Variants in PUM1 observed in about 807,000 individuals in gnomAD.
PUM1 encodes the protein pumilio homolog 1.
Under a neutral mutation model 131.8 loss-of-function variants are expected in PUM1, and 13 were observed. The ratio of observed to expected loss-of-function variants is 0.10; its 90% CI spans 0.06 to 0.16. PUM1 has a LOEUF of 0.16. Among genes scored for constraint, PUM1 ranks in the 10% least tolerant of loss-of-function variants. The pLI, the probability that PUM1 is intolerant of heterozygous loss-of-function variation, is 1.00. For synonymous variants in PUM1, 509 were observed against 556.5 expected, an observed-to-expected ratio of 0.91 and a Z score of 1.20; for missense variants, 961 against 1,512.4, an observed-to-expected ratio of 0.64 and a Z score of 6.05.
At position 31,026,267 on chromosome 1, in the gene PUM1, AAAAAG is replaced by A. The variant is rs201020660; in HGVS notation, c.432+2524_432+2528del. 5.4e-3 allele frequency among the ~76,000 whole-genome samples: 816 copies of A among 152,012 alleles called. 4 individuals carry two copies. Among genetic ancestry groups the A allele is most frequent in the East Asian group, 0.031 (159 of 5,160 alleles). On this transcript the variant is annotated intron_variant, in intron 3 of 21. Coordinates refer to ENST00000426105, the MANE Select transcript of PUM1 (RefSeq NM_001020658.2). ...TGAGACTCAGTCTCTTAAAAAAAAA[AAAAAG>A]AAAAGGAAAAAAAAGCTTATTTTCA...
At chr1:31,053,341 C>CA (rs112722614) in intron 2 of PUM1, among the ~76,000 whole-genome samples, 97 of 126,554 alleles carry the variant, frequency 7.7e-4, no homozygotes, top group Middle Eastern at 4.2e-3. Flanking sequence ...ATTTTACAGG[C>CA]AAAAAAAAAA....
chr1:31,024,477 T>C (rs920711704), intron 3 of PUM1, among the ~76,000 whole-genome samples: 1 of 152,230 alleles, frequency 6.6e-6, no homozygotes, highest in Non-Finnish European at 1.5e-5. Context: ...ATTTCCTTTG[T>C]CAGGTTTACA....
intron 11 of PUM1, 167 bp downstream of exon 11, chr1:30,968,187 T>G: frequency 1.1e-6 from 1 of 891,996 alleles, no homozygotes. Context: ...AATGCTCTCA[T>G]CAGTGAACTA....
intron 18 of PUM1, 50 bp from the exon 19 acceptor site, chr1:30,942,173 T>G: frequency 8.5e-7 from 1 of 1,178,826 alleles, no homozygotes; most frequent in Admixed American, 2.0e-5. Flanking sequence ...GTCACCACCT[T>G]CAATGCTTCA....
intron 2 of PUM1, among the ~76,000 whole-genome samples, chr1:31,057,611 G>A (rs765056569): frequency 1.3e-5 from 2 of 149,770 alleles, no homozygotes; most frequent in Non-Finnish European, 3.0e-5. Context: ...TGTAATCCCA[G>A]CTACTCGGGA....
rs758303053 is a variant in PUM1, at chr1:30,967,243, C to T, written c.1713G>A (p.Ala571=). The T allele has an allele frequency of 1.9e-5, 30 of 1,613,932 alleles. No homozygotes were observed. Among genetic ancestry groups the T allele is most frequent in the Admixed American group, 1.5e-4 (9 of 59,996 alleles). ...QTGALVVNAG[A]RNGLGAPVRL... ...GAACAGGAGCTCCAAGACCATTTCT[C>T]GCGCCTGCATTCACTACAAGGGCAC... Residue 571 remains alanine (A), a synonymous_variant, in exon 12 of 22, where the codon GCG becomes GCA. Coordinates refer to ENST00000426105, the MANE Select transcript of PUM1 (RefSeq NM_001020658.2).
At chr1:30,999,192 G>T (rs74968808) in intron 5 of PUM1, among the ~76,000 whole-genome samples, 1 of 151,998 alleles carries the variant, frequency 6.6e-6, no homozygotes, top group Non-Finnish European at 1.5e-5. Context: ...TAGAGATGGG[G>T]TCTTGCTATG....
rs191868990 is a variant in PUM1, at chr1:31,058,166, C to T, written c.363+1038G>A. 7.6e-4 allele frequency among the ~76,000 whole-genome samples: 116 copies of T among 152,256 alleles called. 1 individual carries two copies. Among genetic ancestry groups the T allele is most frequent in the African/African-American group, 2.6e-3 (110 of 41,546 alleles). Reference sequence around the variant, plus strand: ...ACCACTTCTCTCTGACACAATATATCAGTCCCATTTCAAATAAATTTCACT... The same window carrying T: ...ACCACTTCTCTCTGACACAATATATTAGTCCCATTTCAAATAAATTTCACT... On this transcript the variant is annotated intron_variant, in intron 2 of 21. Transcript: ENST00000426105.
chr1:31,059,689 G>C, intron 1 of PUM1, 112 bp from the exon 2 acceptor site: 1 of 1,277,834 alleles, frequency 7.8e-7, no homozygotes, highest in Non-Finnish European at 1.1e-6. Flanking sequence ...TGTCGTTGGT[G>C]GCATGCACTC....
At chr1:31,064,924 G>T (rs1350589533) in intron 1 of PUM1, among the ~76,000 whole-genome samples, 1 of 151,996 alleles carries the variant, frequency 6.6e-6, no homozygotes, top group Non-Finnish European at 1.5e-5. Flanking sequence ...CTACTAGCAA[G>T]GGGTGAACCC....
At chr1:30,979,876 A>AT (rs1204254192) in intron 9 of PUM1, among the ~76,000 whole-genome samples, 186 bp downstream of exon 9, 1 of 152,130 alleles carries the variant, frequency 6.6e-6, no homozygotes, top group Non-Finnish European at 1.5e-5. Flanking sequence ...GCCTTTGAAC[A>AT]TTTTCAAGTC....
intron 7 of PUM1, among the ~76,000 whole-genome samples, chr1:30,991,610 C>T (rs1365938203): frequency 6.6e-6 from 1 of 152,144 alleles, no homozygotes; most frequent in Non-Finnish European, 1.5e-5. Context: ...TAAAGAGTAA[C>T]AGAAATTCAT....
At chr1:31,026,649 A>G (rs1473066900) in intron 3 of PUM1, among the ~76,000 whole-genome samples, 1 of 152,224 alleles carries the variant, frequency 6.6e-6, no homozygotes, top group Admixed American at 6.5e-5. Context: ...TTGCAGTGGG[A>G]GGAAGCCAGG....
At chr1:30,958,770 G>A (rs527893642) in intron 14 of PUM1, among the ~76,000 whole-genome samples, 2 of 152,188 alleles carry the variant, frequency 1.3e-5, no homozygotes, top group South Asian at 4.1e-4. Flanking sequence ...ACAAATGAGA[G>A]TTACAGATCT....
At chr1:31,022,476 C>T (rs1643064360) in intron 3 of PUM1, among the ~76,000 whole-genome samples, 1 of 152,192 alleles carries the variant, frequency 6.6e-6, no homozygotes, top group East Asian at 1.9e-4. Flanking sequence ...CTTCCCAGTG[C>T]AGGTTAGAAG....
rs1360743742 is a variant in PUM1, at chr1:30,933,063, T to C, written c.*148A>G. 1.0e-6 allele frequency: 1 copy of C among 985,388 alleles called. No homozygotes were observed. The highest frequency in any genetic ancestry group is 1.6e-5 in the African/African-American group (1 of 60,708). The allele number at this position is 985,388 out of a possible 1,614,324, so 61.0% of individuals were successfully genotyped here. On this transcript the variant is annotated 3_prime_UTR_variant, in exon 22 of 22. Transcript: ENST00000426105. ...TTACAAAGGCTTTTCCACTCGTGGATTTGATTCCTTTTTTGGAGGAGGGAG... is the reference window on the plus strand; with the variant it reads ...TTACAAAGGCTTTTCCACTCGTGGACTTGATTCCTTTTTTGGAGGAGGGAG...
intron 14 of PUM1, among the ~76,000 whole-genome samples, chr1:30,954,195 C>A (rs1024551524): frequency 2.6e-5 from 4 of 152,294 alleles, no homozygotes; most frequent in East Asian, 1.9e-4. Flanking sequence ...GAAGGGAATG[C>A]TTTTACCGTT....
chr1:30,953,538 G>A (rs1640033155), intron 15 of PUM1, among the ~76,000 whole-genome samples, 176 bp downstream of exon 15: 1 of 152,178 alleles, frequency 6.6e-6, no homozygotes, highest in African/African-American at 2.4e-5. Flanking sequence ...GTGTATGTAT[G>A]TCTTTGTGTT....
chr1:31,065,182 C>T (rs1350095180), intron 1 of PUM1, among the ~76,000 whole-genome samples: 3 of 152,162 alleles, frequency 2.0e-5, no homozygotes, highest in African/African-American at 4.8e-5. Flanking sequence ...GGCGCTGCCA[C>T]GGAAGCTCAA....
Sources: allele counts gnomAD v4.1 joint callset (sites outside exome capture counted in the v4.1 genomes callset), GRCh38; gene constraint gnomAD v4.1.1; transcripts MANE v1.5; gene names NCBI Gene and HGNC (gene_info 2026-07-23, HGNC 2026-07-21).